BNC2: variants seen among roughly 807,000 people sequenced by gnomAD.
BNC2 encodes basonuclin zinc finger protein 2.
Under a neutral mutation model 76.3 loss-of-function variants are expected in BNC2, and 20 were observed. That is an observed-to-expected ratio of 0.26 (90% confidence interval 0.18 to 0.38). The LOEUF (loss-of-function observed/expected upper bound fraction) is 0.38. BNC2 is among the 10% of genes least tolerant of loss of function. The pLI is 1.00. For synonymous variants in BNC2, 582 were observed against 514.8 expected (o/e 1.13, Z -1.77); for missense variants, 1,382 against 1,399.8 (o/e 0.99, Z 0.20).
At position 16,457,209 on chromosome 9, in the gene BNC2, T is replaced by A. The variant is rs112055248; in HGVS notation, c.670-19685A>T. 4.5e-3 allele frequency among the ~76,000 whole-genome samples: 686 copies of A among 152,280 alleles called. 4 individuals carry two copies. The highest frequency in any genetic ancestry group is 0.016 in the African/African-American group (652 of 41,554). On this transcript the variant is annotated intron_variant, in intron 5 of 6. Coordinates refer to ENST00000380672, the MANE Select transcript of BNC2 (RefSeq NM_017637.6). ...GAAGTAGTCCTTAGGAAGAAGATCA[T>A]ATGGAACAAGGGGTGTCAATAGAAA... is the stretch of plus-strand genomic sequence containing the variant.
intron 1 of BNC2, among the ~76,000 whole-genome samples, chr9:16,747,029 C>A (rs1825030495): frequency 6.6e-6 from 1 of 150,824 alleles, no homozygotes; most frequent in East Asian, 2.0e-4. Context: ...GATATTAAAA[C>A]ATCTGAAATT....
chr9:16,416,249 T>A lies in BNC2; in HGVS notation c.*2740A>T, dbSNP rs1293452431. 1 of 152,560 alleles carries A rather than the reference T, an allele frequency of 6.6e-6. No individual in the cohort carries two copies. Among genetic ancestry groups the A allele is most frequent in the Non-Finnish European group, 1.5e-5 (1 of 68,042 alleles). The allele number at this position is 152,560 out of a possible 1,614,324, so 9.5% of individuals were successfully genotyped here. On this transcript the variant is annotated 3_prime_UTR_variant, in exon 7 of 7. Transcript: ENST00000380672. The stretch of plus-strand genomic sequence containing the variant: ...TGCTGAAATAAAAATGTGTATTTAT[T>A]TTCATAAAACTACATGTAGTCTATG...
chr9:16,801,338 T>C (rs1333154464), intron 1 of BNC2, among the ~76,000 whole-genome samples: 1 of 151,758 alleles, frequency 6.6e-6, no homozygotes, highest in East Asian at 1.9e-4. Flanking sequence ...CTCTGCCCCC[T>C]GGGTTCAAGT....
chr9:16,779,254 G>C (rs1258421542), intron 1 of BNC2, among the ~76,000 whole-genome samples: 2 of 147,154 alleles, frequency 1.4e-5, no homozygotes, highest in East Asian at 4.0e-4. Flanking sequence ...CAGTGAGCCA[G>C]TATCACACTA....
intron 5 of BNC2, among the ~76,000 whole-genome samples, chr9:16,449,231 A>G (rs996040120): frequency 3.9e-5 from 6 of 152,212 alleles, no homozygotes; most frequent in African/African-American, 1.4e-4. Flanking sequence ...CCACTTCTCC[A>G]CATTAACGGT....
intron 1 of BNC2, among the ~76,000 whole-genome samples, chr9:16,750,929 T>C (rs1193570278): frequency 1.3e-5 from 2 of 152,208 alleles, no homozygotes; most frequent in Non-Finnish European, 2.9e-5. Context: ...CAGGAGATGC[T>C]TCCACTGACT....
At chr9:16,631,661 C>T (rs536891765) in intron 3 of BNC2, among the ~76,000 whole-genome samples, 2 of 152,290 alleles carry the variant, frequency 1.3e-5, no homozygotes, top group African/African-American at 4.8e-5. Context: ...CCGTGGCCTA[C>T]CATCGTGTCC....
At chr9:16,489,766 G>A (rs974141682) in intron 5 of BNC2, among the ~76,000 whole-genome samples, 1 of 152,078 alleles carries the variant, frequency 6.6e-6, no homozygotes, top group Non-Finnish European at 1.5e-5. Context: ...ACATAACGGG[G>A]GCTAAAAAGT....
chr9:16,564,009 T>TGTTAA (rs149990457), intron 4 of BNC2, among the ~76,000 whole-genome samples: 8,325 of 152,216 alleles, frequency 0.055, 809 homozygotes, highest in African/African-American at 0.19. Context: ...TAGGCATGCA[T>TGTTAA]GTTGAGTGAT....
At chr9:16,730,113 CACTA>C (rs1824464241) in intron 2 of BNC2, among the ~76,000 whole-genome samples, 1 of 152,032 alleles carries the variant, frequency 6.6e-6, no homozygotes, top group East Asian at 1.9e-4. Context: ...CCCACACACA[CACTA>C]ACAACACAAA....
At chr9:16,630,921 T>G (rs1821144348) in intron 3 of BNC2, among the ~76,000 whole-genome samples, 1 of 152,022 alleles carries the variant, frequency 6.6e-6, no homozygotes, top group Non-Finnish European at 1.5e-5. Context: ...GTATTTTTAG[T>G]AGAGACGGGG....
chr9:16,503,441 G>A (rs989105677), intron 5 of BNC2, among the ~76,000 whole-genome samples: 15 of 151,826 alleles, frequency 9.9e-5, no homozygotes, highest in Non-Finnish European at 2.2e-4. Context: ...GTTTCCCTAA[G>A]AATTTTTTTT....
chr9:16,622,613 T>C (rs1426131135), intron 3 of BNC2, among the ~76,000 whole-genome samples: 1 of 152,292 alleles, frequency 6.6e-6, no homozygotes, highest in East Asian at 1.9e-4. Flanking sequence ...ATAATGTAGC[T>C]GATCCCTCTT....
chr9:16,780,565 C>T (rs1005042781), intron 1 of BNC2, among the ~76,000 whole-genome samples: 1 of 137,948 alleles, frequency 7.2e-6, no homozygotes, highest in Non-Finnish European at 1.5e-5. Flanking sequence ...GGCAAGACTC[C>T]GCCTTAAAAA....
chr9:16,626,081 C>G (rs1820985497), intron 3 of BNC2: 1 of 152,188 alleles, frequency 6.6e-6, no homozygotes, highest in Admixed American at 6.5e-5. Context: ...TGGAGGGGAG[C>G]AGGAAACCTT....
At chr9:16,786,618 G>C (rs1304844046) in intron 1 of BNC2, among the ~76,000 whole-genome samples, 2 of 152,134 alleles carry the variant, frequency 1.3e-5, no homozygotes, top group African/African-American at 2.4e-5. Context: ...GGTTCCATGA[G>C]AATGCATGCA....
intron 5 of BNC2, among the ~76,000 whole-genome samples, chr9:16,516,901 TTTGA>T (rs1457420237): frequency 1.1e-4 from 17 of 152,234 alleles, no homozygotes; most frequent in Admixed American, 6.5e-4. Flanking sequence ...TTCTGGTTTC[TTTGA>T]TTGTGAGCAA....
intron 1 of BNC2, among the ~76,000 whole-genome samples, chr9:16,870,420 C>T (rs571977284): frequency 1.3e-5 from 2 of 152,140 alleles, no homozygotes; most frequent in East Asian, 3.9e-4. Context: ...TAGAGCTCGC[C>T]TCAGAAACTT....
chr9:16,676,310 A>T (rs138319771), intron 3 of BNC2, among the ~76,000 whole-genome samples: 143 of 152,344 alleles, frequency 9.4e-4, no homozygotes, highest in African/African-American at 3.2e-3. Flanking sequence ...CATATATATG[A>T]CATGTGTGTA....
Sources: allele counts gnomAD v4.1 joint callset (sites outside exome capture counted in the v4.1 genomes callset), GRCh38; gene constraint gnomAD v4.1.1; transcripts MANE v1.5; gene names NCBI Gene and HGNC (gene_info 2026-07-23, HGNC 2026-07-21).